Variants in FAM184A observed in about 807,000 individuals in gnomAD.
FAM184A encodes the protein protein FAM184A.
Under a neutral mutation model 143.8 loss-of-function variants are expected in FAM184A, and 99 were observed. The ratio of observed to expected loss-of-function variants is 0.69; its 90% CI spans 0.58 to 0.81. The LOEUF (loss-of-function observed/expected upper bound fraction) is 0.81, where lower values mean the gene tolerates loss of function less well. FAM184A is among the 40% of genes least tolerant of loss of function. FAM184A has a pLI of 0.00. For missense variants in FAM184A, 1,217 were observed against 1,310.5 expected (o/e 0.93, Z 1.10); for synonymous variants, 427 against 446.4 (o/e 0.96, Z 0.55).
chr6:119,110,999 G>A (rs201340698), intron 1 of FAM184A, among the ~76,000 whole-genome samples: 2 of 29,510 alleles, frequency 6.8e-5, no homozygotes, highest in South Asian at 2.5e-3. Flanking sequence ...AAATGAAAAG[G>A]AAGGTTGCGA....
chr6:119,027,536 C>T (rs1057509359), intron 1 of FAM184A, among the ~76,000 whole-genome samples: 1 of 152,142 alleles, frequency 6.6e-6, no homozygotes, highest in Non-Finnish European at 1.5e-5. Context: ...CCTGCAAACC[C>T]CCAAACATGG....
At chr6:118,968,710 T>G (rs1158540450) in intron 14 of FAM184A, among the ~76,000 whole-genome samples, 1 of 152,240 alleles carries the variant, frequency 6.6e-6, no homozygotes, top group Non-Finnish European at 1.5e-5. Flanking sequence ...GTATAAATGG[T>G]AGCTAAACAA....
At chr6:118,974,300 A>G (rs928007296) in intron 14 of FAM184A, 128 bp downstream of exon 14, 9 of 763,656 alleles carry the variant, frequency 1.2e-5, no homozygotes, top group African/African-American at 3.6e-5. Context: ...CATCTGTAAC[A>G]CAGCACTAAA....
chr6:119,094,301 A>G (rs72953099), intron 1 of FAM184A, among the ~76,000 whole-genome samples: 11,960 of 152,110 alleles, frequency 0.079, 626 homozygotes, highest in East Asian at 0.24. Context: ...CTTTCACAGA[A>G]TGTCTTGACC....
intron 1 of FAM184A, among the ~76,000 whole-genome samples, chr6:119,147,566 G>A (rs1772493262): frequency 6.6e-6 from 1 of 152,142 alleles, no homozygotes; most frequent in African/African-American, 2.4e-5. Flanking sequence ...CCCACTCTCT[G>A]TACCAGAGAA....
intron 1 of FAM184A, among the ~76,000 whole-genome samples, chr6:119,072,986 T>TGCAA (rs1562138873): frequency 3.9e-5 from 6 of 152,218 alleles, no homozygotes; most frequent in Admixed American, 1.3e-4. Context: ...TAAGCTTTGG[T>TGCAA]ACTATGTGCA....
At chr6:118,963,856 A>G (rs923339693) in intron 16 of FAM184A, 1 of 152,030 alleles carries the variant, frequency 6.6e-6, no homozygotes, top group Admixed American at 6.6e-5. Flanking sequence ...ATGTGATGAA[A>G]TTTTGCAACT....
intron 16 of FAM184A, chr6:118,962,884 G>A (rs1237019092): frequency 1.3e-5 from 2 of 151,902 alleles, no homozygotes; most frequent in African/African-American, 4.8e-5. Context: ...CTAATTAGAT[G>A]TATACCAATT....
Position 118,959,988 on chromosome 6 carries a change from G to T in FAM184A, c.*115C>A. The T allele has an allele frequency of 1.4e-6, 1 of 712,748 alleles. No individual in the cohort carries two copies. Among genetic ancestry groups the T allele is most frequent in the Non-Finnish European group, 2.3e-6 (1 of 443,330 alleles). The allele number at this position is 712,748 out of a possible 1,614,324, so 44.2% of individuals were successfully genotyped here. ...ATACAGTGCATTTTCAAGTTGGAGA[G>T]ACAAATACTTTCTCATTCACAGTGT... On this transcript the variant is annotated 3_prime_UTR_variant, in exon 18 of 18. Transcript: ENST00000338891.
chr6:119,113,085 G>A (rs1562155463), intron 1 of FAM184A, among the ~76,000 whole-genome samples: 1 of 152,164 alleles, frequency 6.6e-6, no homozygotes, highest in Non-Finnish European at 1.5e-5. Context: ...CAGTATGGCT[G>A]CAGCCACTGA....
At chr6:118,961,645 T>C (rs1238583765) in intron 17 of FAM184A, 116 bp downstream of exon 17, 6 of 861,660 alleles carry the variant, frequency 7.0e-6, no homozygotes, top group East Asian at 2.4e-5. Flanking sequence ...TTGAAGAAAA[T>C]ATTTCATAGT....
chr6:119,080,876 T>C (rs1023667242), upstream of FAM184A, among the ~76,000 whole-genome samples: 18 of 152,162 alleles, frequency 1.2e-4, no homozygotes, highest in African/African-American at 3.9e-4. Flanking sequence ...AGAGGTTGAA[T>C]TGGCTCACAG....
chr6:118,995,517 G>A (rs888367167), intron 9 of FAM184A, among the ~76,000 whole-genome samples: 9 of 152,214 alleles, frequency 5.9e-5, no homozygotes, highest in African/African-American at 1.9e-4. Context: ...TTAATTTCAA[G>A]TATACTAATA....
At chr6:119,086,515 C>T (rs1788226968) in intron 1 of FAM184A, among the ~76,000 whole-genome samples, 1 of 152,120 alleles carries the variant, frequency 6.6e-6, no homozygotes, top group Admixed American at 6.5e-5. Flanking sequence ...AGGTAGATTA[C>T]AAGCTCTAAG....
In FAM184A at chr6:119,116,269, C is replaced by A. The variant is rs1182806375; in HGVS notation, c.-202+32809G>T. Among the ~76,000 whole-genome samples, 4 of 152,066 alleles carry A rather than the reference C, an allele frequency of 2.6e-5. No individual in the cohort carries two copies. The East Asian group carries it at 5.8e-4, about 22-fold the overall frequency. ...TAACACAAAGGCAAAAAACCAGATA[C>A]CGCATGTCCTCATTTATAAGTGGGA... On this transcript the variant is annotated intron_variant, in intron 1 of 16. Transcript: ENST00000352896.
chr6:119,110,494 C>T (rs913160855), intron 1 of FAM184A, among the ~76,000 whole-genome samples: 8 of 151,816 alleles, frequency 5.3e-5, no homozygotes, highest in South Asian at 4.2e-4. Flanking sequence ...GTTGGGTACA[C>T]GGTGGCCTAA....
chr6:119,031,591 G>A (rs1785874445), intron 1 of FAM184A: 1 of 152,162 alleles, frequency 6.6e-6, no homozygotes, highest in Non-Finnish European at 1.5e-5. Flanking sequence ...TAATATCTTG[G>A]CAATATGTAA....
intron 1 of FAM184A, among the ~76,000 whole-genome samples, chr6:119,095,225 G>T (rs966000970): frequency 6.6e-6 from 1 of 152,124 alleles, no homozygotes; most frequent in African/African-American, 2.4e-5. Context: ...CTACTTATAA[G>T]CCCTATTCAT....
chr6:119,116,631 G>A (rs1380872563), intron 1 of FAM184A, among the ~76,000 whole-genome samples: 1 of 152,146 alleles, frequency 6.6e-6, no homozygotes. Flanking sequence ...ACATTACAAG[G>A]CGATAAATGT....
Sources: gnomAD v4.1 joint callset for allele counts (sites outside exome capture counted in the v4.1 genomes callset) on GRCh38, gnomAD v4.1.1 for gene constraint, MANE v1.5 for transcripts, NCBI Gene and HGNC (gene_info 2026-07-23, HGNC 2026-07-21) for gene names.